Variants in PTPRB observed in about 807,000 individuals in gnomAD.
PTPRB encodes the protein receptor-type tyrosine-protein phosphatase beta.
In PTPRB, 97 loss-of-function variants were observed where a neutral mutation model predicts 238.1. That is an observed-to-expected ratio of 0.41 (90% CI 0.35 to 0.48). The LOEUF is 0.48. Ranked by LOEUF, PTPRB falls within the 20% of genes least tolerant of loss-of-function variation. The pLI is 0.30. For missense variants in PTPRB, 2,292 were observed against 2,681.9 expected, an observed-to-expected ratio of 0.85 and a Z score of 3.21; for synonymous variants, 970 against 995.4, an observed-to-expected ratio of 0.97 and a Z score of 0.48.
chr12:70,552,739 C>T (rs751730253), intron 21 of PTPRB, 38 bp downstream of exon 21: 4 of 1,609,526 alleles, frequency 2.5e-6, no homozygotes, highest in Non-Finnish European at 2.5e-6. Flanking sequence ...AGTAATGTAG[C>T]ATGTCCCTTC....
chr12:70,614,115 A>G (rs1235849829), intron 3 of PTPRB, among the ~76,000 whole-genome samples: 2 of 152,168 alleles, frequency 1.3e-5, no homozygotes, highest in African/African-American at 4.8e-5. Context: ...TCATCTGAGA[A>G]CTTGCTAGAA....
At chr12:70,617,516 C>T (rs1207854872) in intron 3 of PTPRB, among the ~76,000 whole-genome samples, 1 of 152,160 alleles carries the variant, frequency 6.6e-6, no homozygotes, top group Non-Finnish European at 1.5e-5. Context: ...TCTTTGCCCT[C>T]CTCCCTCCAG....
At chr12:70,608,935 T>G (rs939309169) in intron 4 of PTPRB, 134 bp downstream of exon 4, 3 of 1,256,192 alleles carry the variant, frequency 2.4e-6, no homozygotes, top group African/African-American at 3.0e-5. Context: ...CAGACATTTC[T>G]GTCAATATTT....
chr12:70,622,643 C>A lies in PTPRB; in HGVS notation c.455G>T (p.Gly152Val). 1 of 1,559,480 alleles carries A rather than the reference C, an allele frequency of 6.4e-7. No homozygotes were observed. Among genetic ancestry groups the A allele is most frequent in the Non-Finnish European group, 8.7e-7 (1 of 1,147,056 alleles). Residue 152 changes from glycine (G) to valine (V), a missense_variant, in exon 3 of 34, where the codon GGC becomes GTC. Physicochemically the swap from Gly to Val is moderately radical, Grantham distance 109. Coordinates refer to ENST00000334414, the MANE Select transcript of PTPRB (RefSeq NM_001109754.4). ...VNESLCLQKA[G>V]LGAEVSVRST... ...CCTCACCGAAACTTCTGCTCCCAGG[C>A]CAGCTGAGGTAAAGAAAAGATAGTT...
Position 70,520,000 on chromosome 12 carries a change from T to G in PTPRB, c.*1489A>C. On this transcript the variant is annotated 3_prime_UTR_variant, in exon 34 of 34. Transcript: ENST00000334414. ...ATTCGTTGTATTCACTTACGGACTTTATGGTAGGTTACAAAAATATATACT... is the reference window on the plus strand; with the variant it reads ...ATTCGTTGTATTCACTTACGGACTTGATGGTAGGTTACAAAAATATATACT... 4.0e-6 allele frequency: 1 copy of G among 252,380 alleles called. No homozygotes were observed. Among genetic ancestry groups the G allele is most frequent in the Non-Finnish European group, 8.0e-6 (1 of 125,388 alleles). 15.6% of individuals were successfully genotyped at this position (252,380 alleles called of 1,614,324 possible).
chr12:70,546,958 A>G (rs770174803), intron 21 of PTPRB, among the ~76,000 whole-genome samples: 36 of 152,192 alleles, frequency 2.4e-4, no homozygotes, highest in Non-Finnish European at 4.7e-4. Flanking sequence ...TATGTGGGAA[A>G]ACTTTTGCTA....
intron 5 of PTPRB, 125 bp from the exon 6 acceptor site, chr12:70,594,849 T>A: frequency 8.2e-7 from 1 of 1,214,688 alleles, no homozygotes; most frequent in Non-Finnish European, 1.1e-6. Context: ...ATAATAGCAT[T>A]AGTAAATAAC....
chr12:70,630,804 G>T (rs989963747), intron 2 of PTPRB, among the ~76,000 whole-genome samples: 11 of 152,048 alleles, frequency 7.2e-5, no homozygotes, highest in African/African-American at 2.7e-4. Context: ...AGAGAGCCAA[G>T]TCATGAATGA....
At chr12:70,632,476 T>C (rs947740144) in intron 2 of PTPRB, among the ~76,000 whole-genome samples, 1 of 151,652 alleles carries the variant, frequency 6.6e-6, no homozygotes, top group African/African-American at 2.4e-5. Context: ...ATGCCTAGTG[T>C]AAATGACGAG....
intron 15 of PTPRB, 56 bp from the exon 16 acceptor site, chr12:70,563,163 A>G: frequency 6.7e-7 from 1 of 1,492,408 alleles, no homozygotes; most frequent in Non-Finnish European, 9.1e-7. Context: ...AGGAGAAGGG[A>G]GCAGGTGGGG....
chr12:70,567,844 TAG>T (rs1274874953), intron 14 of PTPRB, among the ~76,000 whole-genome samples: 1 of 152,190 alleles, frequency 6.6e-6, no homozygotes, highest in East Asian at 1.9e-4. Context: ...TTTTTTATTC[TAG>T]TATACTTTTG....
chr12:70,521,749 C>T (rs1162419821), intron 33 of PTPRB, among the ~76,000 whole-genome samples: 1 of 152,168 alleles, frequency 6.6e-6, no homozygotes, highest in Admixed American at 6.5e-5. Flanking sequence ...GCCATAGGCC[C>T]AGAGAGGCAG....
chr12:70,534,898 T>C lies in PTPRB; in HGVS notation c.6139A>G (p.Ile2047Val). 1 of 1,613,944 alleles carries C rather than the reference T, an allele frequency of 6.2e-7. No individual in the cohort carries two copies. Among genetic ancestry groups the C allele is most frequent in the Non-Finnish European group, 8.5e-7 (1 of 1,179,850 alleles). Residue 2047 changes from isoleucine (I) to valine (V), a missense_variant, in exon 30 of 34, where the codon ATC (isoleucine) becomes GTC (valine). This residue lies in a region of PTPRB where 397 missense variants were observed against 502.0 expected (regional missense o/e 0.79). Coordinates refer to ENST00000334414, the MANE Select transcript of PTPRB (RefSeq NM_001109754.4). Reference protein sequence around the residue: ...DQDSLYYGDLILQMLSESVLP... With the variant: ...DQDSLYYGDLVLQMLSESVLP... The stretch of plus-strand genomic sequence containing the variant: ...ACGGACTCTGAGAGCATCTGCAGGA[T>C]GAGGTCCCCATAGTAGAGGGAATCC...
chr12:70,627,593 C>T (rs1212258830), intron 2 of PTPRB, among the ~76,000 whole-genome samples: 1 of 152,058 alleles, frequency 6.6e-6, no homozygotes, highest in Non-Finnish European at 1.5e-5. Context: ...GAAAGTCATA[C>T]ATAGCCCTGT....
rs1381821518 is a variant in PTPRB, at chr12:70,534,543, C to T, written c.6313G>A (p.Val2105Ile). 6.2e-7 allele frequency: 1 copy of T among 1,613,474 alleles called. No homozygotes were observed. ...TQSLIQFVRTVRDYINRSPGA... is the reference protein window; with the variant it reads ...TQSLIQFVRTIRDYINRSPGA... Reference sequence around the variant, plus strand: ...GGGCTTCTGTTGATGTAGTCCCTGACAGTTCTCACAAACTGGATCAGAGAC... The same window carrying T: ...GGGCTTCTGTTGATGTAGTCCCTGATAGTTCTCACAAACTGGATCAGAGAC... Residue 2105 changes from valine to isoleucine, a missense_variant, in exon 31 of 34, where the codon GTC (valine) becomes ATC (isoleucine). Around this residue, in one of 4 missense-constraint regions of PTPRB, gnomAD observed 397 missense variants for 502.0 expected, o/e 0.79. Transcript: ENST00000334414.
intron 4 of PTPRB, among the ~76,000 whole-genome samples, chr12:70,598,318 G>T (rs1419657677): frequency 6.6e-6 from 1 of 152,140 alleles, no homozygotes; most frequent in East Asian, 1.9e-4. Context: ...AAAGTAGTTA[G>T]AACTGTATCT....
In PTPRB at chr12:70,610,340, T is replaced by C. The variant is rs1215619369; in HGVS notation, c.709-1001A>G. On this transcript the variant is annotated intron_variant, in intron 3 of 33. Transcript: ENST00000334414. ...CCCCAGTCTGTGGTTCTCGACCCAGTCGCCTTAGCCACAATTAGTGCTTGC... is the reference window on the plus strand; with the variant it reads ...CCCCAGTCTGTGGTTCTCGACCCAGCCGCCTTAGCCACAATTAGTGCTTGC... Among the ~76,000 whole-genome samples, 4 of 152,034 alleles carry C rather than the reference T, an allele frequency of 2.6e-5. No individual in the cohort carries two copies. The East Asian group carries it at 7.8e-4, about 29-fold the overall frequency.
chr12:70,602,301 C>G (rs1389665438), intron 4 of PTPRB, among the ~76,000 whole-genome samples: 1 of 152,188 alleles, frequency 6.6e-6, no homozygotes, highest in Non-Finnish European at 1.5e-5. Context: ...ACCCAGACAA[C>G]TTAACAAGAC....
chr12:70,636,119 A>G, intron 1 of PTPRB, 53 bp from the exon 2 acceptor site: 3 of 1,463,206 alleles, frequency 2.1e-6, no homozygotes, highest in Non-Finnish European at 2.7e-6. Flanking sequence ...GAGGCCCATT[A>G]GAAAACGGAA....
Sources: allele counts gnomAD v4.1 joint callset (sites outside exome capture counted in the v4.1 genomes callset), GRCh38; gene constraint gnomAD v4.1.1; regional missense constraint gnomAD v4.1.1; transcripts MANE v1.5; gene names NCBI Gene and HGNC (gene_info 2026-07-23, HGNC 2026-07-21).